The following CADM2 variants were observed in gnomAD, a reference collection of about 807,000 sequenced individuals.
The protein encoded by CADM2 is cell adhesion molecule 2.
CADM2 carries 12 observed loss-of-function variants against 49.8 expected under a neutral mutation model. The observed-to-expected ratio is 0.24, with a 90% confidence interval of 0.15 to 0.39. The LOEUF is 0.39. Ranked by LOEUF, CADM2 falls within the 10% of genes least tolerant of loss-of-function variation. The pLI is 1.00. For missense variants in CADM2, 378 were observed against 492.3 expected, an observed-to-expected ratio of 0.77 and a Z score of 2.20; for synonymous variants, 214 against 175.4, an observed-to-expected ratio of 1.22 and a Z score of -1.74.
intron 1 of CADM2, among the ~76,000 whole-genome samples, chr3:85,010,598 C>A (rs1178193489): frequency 6.6e-6 from 1 of 151,854 alleles, no homozygotes; most frequent in African/African-American, 2.4e-5. Flanking sequence ...CCTTTAAGAT[C>A]AAAAAACAAA....
chr3:85,205,213 G>A (rs2041603732), intron 1 of CADM2, among the ~76,000 whole-genome samples: 1 of 151,902 alleles, frequency 6.6e-6, no homozygotes, highest in Admixed American at 6.6e-5. Flanking sequence ...TGTAGAGACA[G>A]GGTCTCACTA....
chr3:85,434,492 C>G (rs1422412855), intron 1 of CADM2, among the ~76,000 whole-genome samples: 2 of 152,032 alleles, frequency 1.3e-5, no homozygotes, highest in Admixed American at 1.3e-4. Context: ...CTGTTATACA[C>G]ATTGGGAATA....
intron 8 of CADM2, among the ~76,000 whole-genome samples, chr3:86,041,033 A>T (rs1735837473): frequency 6.6e-6 from 1 of 152,200 alleles, no homozygotes; most frequent in African/African-American, 2.4e-5. Flanking sequence ...GCAAATGCTG[A>T]GAGATTTTGT....
chr3:85,612,137 G>T (rs1675996980), intron 1 of CADM2, among the ~76,000 whole-genome samples: 1 of 151,818 alleles, frequency 6.6e-6, no homozygotes, highest in Non-Finnish European at 1.5e-5. Context: ...AGTGTATATT[G>T]ATAAGTTTAA....
rs2043732203 is a variant in CADM2, at chr3:85,289,818, A to G, written c.61+330150A>G. The stretch of plus-strand genomic sequence containing the variant: ...AGACTGCTTAAATAAATTTACTTGT[A>G]TTAATCCATTTAATTATGTTAGATA... On this transcript the variant is annotated intron_variant, in intron 1 of 9. Coordinates refer to ENST00000383699, the MANE Select transcript of CADM2 (RefSeq NM_001167675.2). Among the ~76,000 whole-genome samples, 6 of 152,338 alleles carry G rather than the reference A, an allele frequency of 3.9e-5. No individual in the cohort carries two copies. The South Asian group carries it at 1.2e-3, about 32-fold the overall frequency.
chr3:85,808,557 T>C (rs1335917196), intron 3 of CADM2, among the ~76,000 whole-genome samples: 1 of 152,142 alleles, frequency 6.6e-6, no homozygotes, highest in African/African-American at 2.4e-5. Context: ...ACACTTCAAT[T>C]CCTTCCTATT....
chr3:85,437,381 G>C (rs1231352003), intron 1 of CADM2, among the ~76,000 whole-genome samples: 2 of 152,216 alleles, frequency 1.3e-5, no homozygotes, highest in East Asian at 3.9e-4. Flanking sequence ...AAGTGTGATT[G>C]CTGGATCAGT....
chr3:86,052,906 A>C (rs957315992), intron 8 of CADM2, among the ~76,000 whole-genome samples: 1 of 152,154 alleles, frequency 6.6e-6, no homozygotes, highest in East Asian at 1.9e-4. Flanking sequence ...ACAAACATGC[A>C]CACAACTATT....
chr3:85,218,777 C>A (rs1393077033), intron 1 of CADM2, among the ~76,000 whole-genome samples: 1 of 152,136 alleles, frequency 6.6e-6, no homozygotes, highest in East Asian at 1.9e-4. Context: ...AGCCTGGCAA[C>A]AGAGTGAGAC....
chr3:84,969,682 T>A (rs1157439894), intron 1 of CADM2, among the ~76,000 whole-genome samples: 1 of 152,014 alleles, frequency 6.6e-6, no homozygotes, highest in South Asian at 2.1e-4. Flanking sequence ...TTCATTTATA[T>A]GTAATACACA....
chr3:85,013,755 G>A (rs957218434), intron 1 of CADM2, among the ~76,000 whole-genome samples: 8 of 148,432 alleles, frequency 5.4e-5, no homozygotes, highest in Non-Finnish European at 8.9e-5. Flanking sequence ...GGTCAACTAC[G>A]GTCCAAAAAT....
chr3:85,123,404 C>CT (rs1179363125), intron 1 of CADM2, among the ~76,000 whole-genome samples: 1 of 151,992 alleles, frequency 6.6e-6, no homozygotes, highest in Admixed American at 6.6e-5. Context: ...TTATTGTAAT[C>CT]TTTTTTGGTG....
At chr3:85,950,855 G>C (rs1320981357) in intron 7 of CADM2, among the ~76,000 whole-genome samples, 3 of 151,042 alleles carry the variant, frequency 2.0e-5, no homozygotes, top group Non-Finnish European at 3.0e-5. Context: ...TGTCATAATT[G>C]ATTTTAAAAA....
At chr3:86,018,637 G>A (rs1219337646) in intron 8 of CADM2, among the ~76,000 whole-genome samples, 1 of 152,346 alleles carries the variant, frequency 6.6e-6, no homozygotes, top group South Asian at 2.1e-4. Context: ...GTGATGGTGA[G>A]CATTTTTTCA....
chr3:85,213,305 T>G (rs971820314), intron 1 of CADM2, among the ~76,000 whole-genome samples: 1 of 152,190 alleles, frequency 6.6e-6, no homozygotes, highest in Admixed American at 6.5e-5. Context: ...TTTATCTCTC[T>G]TTCATGTTTG....
chr3:85,128,041 C>T (rs9878043), intron 1 of CADM2, among the ~76,000 whole-genome samples: 209 of 152,218 alleles, frequency 1.4e-3, no homozygotes, highest in African/African-American at 4.6e-3. Context: ...CTAATGATTA[C>T]GGTGGTATAG....
At chr3:85,214,984 A>G (rs1162886764) in intron 1 of CADM2, among the ~76,000 whole-genome samples, 1 of 152,064 alleles carries the variant, frequency 6.6e-6, no homozygotes, top group Non-Finnish European at 1.5e-5. Context: ...CTGCAGGACA[A>G]CATCTCCTTT....
At chr3:85,642,448 T>C (rs1233940146) in intron 1 of CADM2, among the ~76,000 whole-genome samples, 2 of 151,892 alleles carry the variant, frequency 1.3e-5, no homozygotes, top group Non-Finnish European at 2.9e-5. Context: ...AATATTAACC[T>C]CATAGCAAGG....
chr3:85,746,155 C>G (rs2068612375), intron 2 of CADM2, among the ~76,000 whole-genome samples: 1 of 152,076 alleles, frequency 6.6e-6, no homozygotes, highest in Non-Finnish European at 1.5e-5. Context: ...GCAACTAGAA[C>G]CTCATTATGA....
Sources: allele counts gnomAD v4.1 joint callset (sites outside exome capture counted in the v4.1 genomes callset), GRCh38; gene constraint gnomAD v4.1.1; transcripts MANE v1.5; gene names NCBI Gene and HGNC (gene_info 2026-07-23, HGNC 2026-07-21).